PCGF5: variants seen among roughly 807,000 people sequenced by gnomAD.
PCGF5 encodes the protein polycomb group ring finger 5.
Under a neutral mutation model 44.3 loss-of-function variants are expected in PCGF5, and 9 were observed. That is an observed-to-expected ratio of 0.20 (90% CI 0.12 to 0.35). PCGF5 has a LOEUF of 0.35. Among genes scored for constraint, PCGF5 ranks in the 10% least tolerant of loss-of-function variants. The pLI is 1.00. For missense variants in PCGF5, 146 were observed against 305.3 expected, an observed-to-expected ratio of 0.48 and a Z score of 3.89; for synonymous variants, 95 against 102.5, an observed-to-expected ratio of 0.93 and a Z score of 0.44.
At chr10:91,185,286 C>G (rs750784184) in intron 1 of PCGF5, among the ~76,000 whole-genome samples, 2 of 152,172 alleles carry the variant, frequency 1.3e-5, no homozygotes, top group African/African-American at 2.4e-5. Context: ...AAGAAGCAGT[C>G]TGGCCATGTT....
chr10:91,272,604 C>G (rs562132440), intron 9 of PCGF5, among the ~76,000 whole-genome samples: 3 of 152,040 alleles, frequency 2.0e-5, no homozygotes, highest in Non-Finnish European at 2.9e-5. Context: ...GAAACCCTAT[C>G]TCTACAAAAA....
chr10:91,268,460 T>C (rs1262974497), intron 8 of PCGF5, among the ~76,000 whole-genome samples: 2 of 152,156 alleles, frequency 1.3e-5, no homozygotes, highest in Non-Finnish European at 2.9e-5. Flanking sequence ...TATTTCTAGA[T>C]TGATTTGGCT....
intron 1 of PCGF5, among the ~76,000 whole-genome samples, chr10:91,183,791 C>T (rs1410226059): frequency 6.6e-6 from 1 of 152,092 alleles, no homozygotes; most frequent in Non-Finnish European, 1.5e-5. Context: ...ATTTGCTTGT[C>T]TGAAAGAATC....
At chr10:91,227,726 A>T (rs891184252) in intron 2 of PCGF5, 1 of 1,005,224 alleles carries the variant, frequency 9.9e-7, no homozygotes, top group African/African-American at 1.7e-5. Context: ...CATTAAAGCT[A>T]CTTAGTGGTG....
At chr10:91,218,661 C>T (rs1484049259), upstream of PCGF5, among the ~76,000 whole-genome samples, 1 of 152,072 alleles carries the variant, frequency 6.6e-6, no homozygotes, top group Non-Finnish European at 1.5e-5. Flanking sequence ...GAGACAGAGC[C>T]TTGCTCTGTC....
intron 1 of PCGF5, among the ~76,000 whole-genome samples, chr10:91,177,186 G>T (rs1393597672): frequency 6.6e-6 from 1 of 152,210 alleles, no homozygotes; most frequent in African/African-American, 2.4e-5. Flanking sequence ...GACCCTGTTT[G>T]CCTGGGTATC....
intron 8 of PCGF5, among the ~76,000 whole-genome samples, chr10:91,270,608 A>C (rs759238321): frequency 6.6e-6 from 1 of 152,162 alleles, no homozygotes; most frequent in Non-Finnish European, 1.5e-5. Context: ...AAAAATTACT[A>C]AAGTATTTCG....
At chr10:91,156,767 C>T in the PCGF5 span, among the ~76,000 whole-genome samples, 1 of 152,134 alleles carries the variant, frequency 6.6e-6, no homozygotes, top group Non-Finnish European at 1.5e-5. Flanking sequence ...AAGTGGTACC[C>T]ACCACATTTA....
intron 3 of PCGF5, among the ~76,000 whole-genome samples, chr10:91,243,973 A>C (rs1845394884): frequency 6.6e-6 from 1 of 152,208 alleles, no homozygotes; most frequent in Non-Finnish European, 1.5e-5. Context: ...GCAAATATTT[A>C]CTGGATGCCT....
chr10:91,162,094 G>T (rs1444585034), upstream of PCGF5, among the ~76,000 whole-genome samples: 1 of 151,900 alleles, frequency 6.6e-6, no homozygotes, highest in Admixed American at 6.6e-5. Context: ...GAACAGAGAA[G>T]GATCAAAATA....
In PCGF5 at chr10:91,228,011, T is replaced by A. The variant is rs1216284334; in HGVS notation, c.112+5028T>A. The stretch of plus-strand genomic sequence containing the variant: ...AGATTCAAATGCAGTGATAGGTAAC[T>A]TGAAACATGTAGGCATTGTTGGTTA... On this transcript the variant is annotated intron_variant, in intron 2 of 9. Coordinates refer to ENST00000336126, the MANE Select transcript of PCGF5 (RefSeq NM_032373.5). 7.1e-6 allele frequency: 6 copies of A among 849,872 alleles called. No individual in the cohort carries two copies. The Admixed American group carries it at 2.5e-4, about 35-fold the overall frequency. The allele number at this position is 849,872 out of a possible 1,614,324, so 52.6% of individuals were successfully genotyped here. A position where few individuals can be genotyped will look rare whatever the true frequency, so the allele number is the denominator to read the frequency against.
intron 1 of PCGF5, among the ~76,000 whole-genome samples, chr10:91,221,622 G>A (rs1246605179): frequency 1.3e-5 from 2 of 151,894 alleles, no homozygotes; most frequent in Admixed American, 1.3e-4. Context: ...TTACCAATGA[G>A]TTAACAGCTA....
intron 1 of PCGF5, among the ~76,000 whole-genome samples, chr10:91,188,268 G>C (rs1193171907): frequency 6.6e-6 from 1 of 152,132 alleles, no homozygotes; most frequent in East Asian, 1.9e-4. Context: ...GCCTCACTCG[G>C]GAAGCGCAAG....
chr10:91,240,070 A>G (rs999949269), intron 2 of PCGF5, among the ~76,000 whole-genome samples: 16 of 152,308 alleles, frequency 1.1e-4, no homozygotes, highest in Admixed American at 5.2e-4. Context: ...AAAACTCTCA[A>G]GTTGTATTGA....
intron 2 of PCGF5, among the ~76,000 whole-genome samples, chr10:91,236,381 C>CACTAAACAACTTAATTAAAACAAT (rs1845164792): frequency 6.6e-6 from 1 of 152,232 alleles, no homozygotes; most frequent in South Asian, 2.1e-4. Context: ...TAAATATTAG[C>CACTAAACAACTTAATTAAAACAAT]TAAGTTGTTA....
upstream of PCGF5, among the ~76,000 whole-genome samples, chr10:91,219,055 C>T (rs1425920677): frequency 1.3e-5 from 2 of 152,098 alleles, no homozygotes; most frequent in East Asian, 3.8e-4. Context: ...GAGGCGAAAC[C>T]ACAGAACACT....
At chr10:91,178,504 C>A (rs1843755852) in intron 1 of PCGF5, among the ~76,000 whole-genome samples, 1 of 151,866 alleles carries the variant, frequency 6.6e-6, no homozygotes, top group Non-Finnish European at 1.5e-5. Context: ...ATACCCCCAT[C>A]ACAGCCTCCA....
chr10:91,194,493 G>A (rs1844091071), intron 1 of PCGF5, among the ~76,000 whole-genome samples: 1 of 152,168 alleles, frequency 6.6e-6, no homozygotes, highest in Non-Finnish European at 1.5e-5. Flanking sequence ...CTCAAGAAGG[G>A]AACACAACCC....
At chr10:91,215,713 T>C (rs1844528455), upstream of PCGF5, among the ~76,000 whole-genome samples, 1 of 152,236 alleles carries the variant, frequency 6.6e-6, no homozygotes, top group Non-Finnish European at 1.5e-5. Flanking sequence ...TCATATGCCA[T>C]TACCATTCAT....
Sources: allele counts gnomAD v4.1 joint callset (sites outside exome capture counted in the v4.1 genomes callset), GRCh38; gene constraint gnomAD v4.1.1; transcripts MANE v1.5; gene names NCBI Gene and HGNC (gene_info 2026-07-23, HGNC 2026-07-21).